The following NOVA1 variants were observed in gnomAD, a reference collection of about 807,000 sequenced individuals.
NOVA1 encodes the protein NOVA alternative splicing regulator 1.
Under a neutral mutation model 38.0 loss-of-function variants are expected in NOVA1, and 7 were observed. The observed-to-expected ratio is 0.18, with a 90% CI of 0.10 to 0.35. The LOEUF (loss-of-function observed/expected upper bound fraction) is 0.35, where lower values mean the gene tolerates loss of function less well. Ranked by LOEUF, NOVA1 falls within the 10% of genes least tolerant of loss-of-function variation. The pLI is 1.00. For missense variants in NOVA1, 460 were observed against 616.0 expected (o/e 0.75, Z 2.68); for synonymous variants, 270 against 232.5 (o/e 1.16, Z -1.47).
intron 2 of NOVA1, among the ~76,000 whole-genome samples, chr14:26,530,188 G>T (rs1486388313): frequency 1.3e-5 from 2 of 152,180 alleles, no homozygotes; most frequent in East Asian, 1.9e-4. Context: ...AAAGTGCTGC[G>T]ATTACAGGCG....
intron 2 of NOVA1, among the ~76,000 whole-genome samples, chr14:26,552,666 T>C (rs1041529792): frequency 4.6e-5 from 7 of 152,190 alleles, no homozygotes; most frequent in Non-Finnish European, 1.0e-4. Flanking sequence ...GTCAATGTCC[T>C]GCCCTCTTGA....
chr14:26,476,361 C>T (rs1453327153), intron 3 of NOVA1, among the ~76,000 whole-genome samples: 1 of 152,084 alleles, frequency 6.6e-6, no homozygotes, highest in Non-Finnish European at 1.5e-5. Context: ...ATTAAAAGGG[C>T]TCTTTAGGAA....
At chr14:26,578,307 G>A (rs1892991610) in intron 2 of NOVA1, among the ~76,000 whole-genome samples, 2 of 151,998 alleles carry the variant, frequency 1.3e-5, no homozygotes, top group Admixed American at 6.6e-5. Flanking sequence ...GAATTTTACC[G>A]TTAATGCCAT....
Position 26,505,510 on chromosome 14 carries a change from A to G in NOVA1, c.281-25367T>C, listed in dbSNP as rs184700298. The stretch of plus-strand genomic sequence containing the variant: ...GTCTCCCCAGCCATGTGGAACTGTG[A>G]GTCAATTAAACCGATTTTTTAATAA... On this transcript the variant is annotated intron_variant, in intron 2 of 4. Transcript: ENST00000539517. 1.1e-3 allele frequency among the ~76,000 whole-genome samples: 162 copies of G among 152,208 alleles called. 1 individual carries two copies. Among genetic ancestry groups the G allele is most frequent in the Middle Eastern group, 3.4e-3 (1 of 294 alleles).
At chr14:26,484,623 C>A (rs1885742650) in intron 2 of NOVA1, among the ~76,000 whole-genome samples, 1 of 152,092 alleles carries the variant, frequency 6.6e-6, no homozygotes, top group African/African-American at 2.4e-5. Context: ...ACTTCCTCAT[C>A]ACCCAATCCT....
intron 2 of NOVA1, among the ~76,000 whole-genome samples, chr14:26,482,650 A>C (rs1386314688): frequency 1.3e-5 from 2 of 152,198 alleles, no homozygotes; most frequent in Admixed American, 6.5e-5. Context: ...AGTTACATAA[A>C]AGTACATGCC....
intron 4 of NOVA1, among the ~76,000 whole-genome samples, chr14:26,450,626 T>G (rs1882586510): frequency 6.6e-6 from 1 of 152,178 alleles, no homozygotes; most frequent in South Asian, 2.1e-4. Context: ...GACCAAGAAG[T>G]GTTTTTATAA....
chr14:26,494,481 A>T (rs1018992879), intron 2 of NOVA1, among the ~76,000 whole-genome samples: 1 of 152,222 alleles, frequency 6.6e-6, no homozygotes, highest in African/African-American at 2.4e-5. Flanking sequence ...ACATTAAATC[A>T]GTTTTCAGTC....
At chr14:26,563,813 C>CCT (rs1891968915) in intron 2 of NOVA1, among the ~76,000 whole-genome samples, 1 of 151,986 alleles carries the variant, frequency 6.6e-6, no homozygotes, top group Non-Finnish European at 1.5e-5. Flanking sequence ...TAAGCTCTAG[C>CCT]CTAAGCCCAA....
intron 4 of NOVA1, among the ~76,000 whole-genome samples, chr14:26,451,858 T>C (rs1168352547): frequency 6.6e-6 from 1 of 152,130 alleles, no homozygotes; most frequent in Non-Finnish European, 1.5e-5. Flanking sequence ...CAAAGAATCT[T>C]AAATAACAAA....
intron 2 of NOVA1, among the ~76,000 whole-genome samples, chr14:26,534,214 T>C (rs1211666805): frequency 6.6e-6 from 1 of 152,158 alleles, no homozygotes; most frequent in Non-Finnish European, 1.5e-5. Context: ...ATTGAAAAAC[T>C]GATATACTAT....
intron 2 of NOVA1, among the ~76,000 whole-genome samples, chr14:26,574,023 C>CTTTT (rs780944723): frequency 5.0e-5 from 6 of 121,052 alleles, no homozygotes; most frequent in African/African-American, 1.0e-4. Context: ...AAAGATTACA[C>CTTTT]TTTTTTTTTT....
At chr14:26,524,383 C>T (rs920003052) in intron 2 of NOVA1, among the ~76,000 whole-genome samples, 1 of 152,082 alleles carries the variant, frequency 6.6e-6, no homozygotes, top group African/African-American at 2.4e-5. Flanking sequence ...AAAGAGTTTT[C>T]TTGTAAGTTC....
chr14:26,586,367 T>C (rs1893514659), intron 2 of NOVA1, among the ~76,000 whole-genome samples: 1 of 151,290 alleles, frequency 6.6e-6, no homozygotes, highest in Admixed American at 6.6e-5. Context: ...TAATAATTAC[T>C]GGACAATACA....
At chr14:26,478,256 T>C (rs1000518786) in intron 3 of NOVA1, among the ~76,000 whole-genome samples, 1 of 151,972 alleles carries the variant, frequency 6.6e-6, no homozygotes, top group African/African-American at 2.4e-5. Context: ...ATTTTAACAA[T>C]GATTCATAGA....
intron 2 of NOVA1, among the ~76,000 whole-genome samples, chr14:26,481,119 C>T (rs1294801946): frequency 1.3e-5 from 2 of 152,016 alleles, no homozygotes; most frequent in Non-Finnish European, 2.9e-5. Context: ...CCACTGTAAT[C>T]TTCTCAGTGA....
chr14:26,532,245 A>T (rs2138557191), intron 2 of NOVA1, among the ~76,000 whole-genome samples: 1 of 152,366 alleles, frequency 6.6e-6, no homozygotes, highest in East Asian at 1.9e-4. Flanking sequence ...AAATATTCAT[A>T]GCAATTTTAT....
intron 2 of NOVA1, among the ~76,000 whole-genome samples, chr14:26,560,668 A>AAT (rs1025887598): frequency 9.0e-4 from 137 of 152,250 alleles, no homozygotes; most frequent in African/African-American, 3.0e-3. Flanking sequence ...AGATATTAGA[A>AAT]ATATATATAT....
chr14:26,451,534 A>G (rs1339443966), intron 4 of NOVA1, among the ~76,000 whole-genome samples: 1 of 151,932 alleles, frequency 6.6e-6, no homozygotes, highest in East Asian at 1.9e-4. Flanking sequence ...ATGCCCAGAT[A>G]ATTTTTGTAT....
Sources: gnomAD v4.1 joint callset for allele counts (sites outside exome capture counted in the v4.1 genomes callset) on GRCh38, gnomAD v4.1.1 for gene constraint, MANE v1.5 for transcripts, NCBI Gene and HGNC (gene_info 2026-07-23, HGNC 2026-07-21) for gene names.